The following PALLD variants were observed in gnomAD, a reference collection of about 807,000 sequenced individuals.
PALLD encodes the protein palladin, cytoskeletal associated protein, also known as palladin.
In PALLD, 61 loss-of-function variants were observed where a neutral mutation model predicts 123.5. That is an observed-to-expected ratio of 0.49 (90% confidence interval 0.40 to 0.61). PALLD has a LOEUF of 0.61. Among genes scored for constraint, PALLD ranks in the 20% least tolerant of loss-of-function variants. The pLI is 0.00. For missense variants in PALLD, 1,273 were observed against 1,377.0 expected (o/e 0.92, Z 1.20); for synonymous variants, 465 against 496.4 (o/e 0.94, Z 0.84).
intron 10 of PALLD, among the ~76,000 whole-genome samples, chr4:168,856,305 G>T (rs1303079274): frequency 1.3e-5 from 2 of 152,216 alleles, no homozygotes; most frequent in Non-Finnish European, 2.9e-5. Flanking sequence ...TGAGGAGCAA[G>T]TGTACATGTA....
chr4:168,799,591 A>G (rs1457357003), intron 10 of PALLD, among the ~76,000 whole-genome samples: 3 of 152,204 alleles, frequency 2.0e-5, no homozygotes, highest in Admixed American at 6.5e-5. Context: ...GCAATTCAGT[A>G]TAGTTGTGGA....
In PALLD at chr4:168,517,064, A is replaced by C. The variant is rs1580081898; in HGVS notation, c.908+4652A>C. Among the ~76,000 whole-genome samples the C allele has an allele frequency of 2.6e-5, 4 of 152,246 alleles. No individual in the cohort carries two copies. In the South Asian group the frequency reaches 8.3e-4, roughly 32 times the overall value. On this transcript the variant is annotated intron_variant, in intron 2 of 21. Transcript: ENST00000505667. ...ATTGGAAAAGTCCAGGCTGACGCAC[A>C]GGGAATGCGCCACAGGAAAACATGG...
At chr4:168,792,911 C>T (rs540576328) in intron 10 of PALLD, among the ~76,000 whole-genome samples, 215 of 151,452 alleles carry the variant, frequency 1.4e-3, no homozygotes, top group South Asian at 4.0e-3. Context: ...AGATTACAGG[C>T]GCAGGCCACC....
intron 10 of PALLD, among the ~76,000 whole-genome samples, chr4:168,799,651 C>G (rs774563130): frequency 6.6e-6 from 1 of 152,040 alleles, no homozygotes; most frequent in Non-Finnish European, 1.5e-5. Flanking sequence ...TGTGTGTGTG[C>G]GAAAAGCATG....
At chr4:168,774,351 T>C (rs983354860) in intron 10 of PALLD, among the ~76,000 whole-genome samples, 5 of 152,112 alleles carry the variant, frequency 3.3e-5, no homozygotes, top group Non-Finnish European at 7.3e-5. Flanking sequence ...TTGCTATATA[T>C]AAGAAAGAGC....
intron 2 of PALLD, among the ~76,000 whole-genome samples, chr4:168,589,744 C>T (rs147981874): frequency 5.9e-5 from 9 of 152,282 alleles, no homozygotes; most frequent in Non-Finnish European, 8.8e-5. Flanking sequence ...GAGCCTCACT[C>T]GCAACTGAAA....
intron 10 of PALLD, among the ~76,000 whole-genome samples, chr4:168,804,780 G>A (rs1739900365): frequency 6.6e-6 from 1 of 152,218 alleles, no homozygotes; most frequent in South Asian, 2.1e-4. Context: ...TTCACCACAA[G>A]AGTTATGTAT....
chr4:168,568,298 C>G (rs1379989049), intron 2 of PALLD, among the ~76,000 whole-genome samples: 3 of 151,996 alleles, frequency 2.0e-5, no homozygotes, highest in Non-Finnish European at 4.4e-5. Context: ...TGAAAAGCAT[C>G]CTACTTGTTA....
At chr4:168,807,878 G>A (rs1396033719) in intron 10 of PALLD, among the ~76,000 whole-genome samples, 1 of 151,918 alleles carries the variant, frequency 6.6e-6, no homozygotes, top group Non-Finnish European at 1.5e-5. Flanking sequence ...GCTAATTTTT[G>A]TATTTTTAGT....
At chr4:168,848,955 A>G (rs1318834930) in intron 10 of PALLD, among the ~76,000 whole-genome samples, 2 of 152,198 alleles carry the variant, frequency 1.3e-5, no homozygotes, top group African/African-American at 2.4e-5. Flanking sequence ...AGTACTAACT[A>G]CAGTCAGTAA....
chr4:168,883,847 G>A (rs1371498834), intron 10 of PALLD, among the ~76,000 whole-genome samples: 1 of 151,814 alleles, frequency 6.6e-6, no homozygotes, highest in Non-Finnish European at 1.5e-5. Context: ...TTGTTTATTG[G>A]TTAAGGTTTG....
At chr4:168,570,510 C>G (rs952959168) in intron 2 of PALLD, among the ~76,000 whole-genome samples, 1 of 152,090 alleles carries the variant, frequency 6.6e-6, no homozygotes, top group Admixed American at 6.6e-5. Flanking sequence ...AAAACAAAAA[C>G]CAAAATGCTC....
intron 2 of PALLD, among the ~76,000 whole-genome samples, chr4:168,607,339 A>G (rs1357089147): frequency 6.6e-6 from 1 of 152,184 alleles, no homozygotes; most frequent in Admixed American, 6.5e-5. Flanking sequence ...AAACAATGAC[A>G]GAGGGAACTG....
chr4:168,589,011 CA>C (rs1364136465), intron 2 of PALLD, among the ~76,000 whole-genome samples: 3 of 152,080 alleles, frequency 2.0e-5, no homozygotes, highest in Admixed American at 2.0e-4. Context: ...AACTTAAGGC[CA>C]GGGGTATCTG....
chr4:168,804,324 T>A (rs565920215), intron 10 of PALLD, among the ~76,000 whole-genome samples: 2 of 152,364 alleles, frequency 1.3e-5, no homozygotes, highest in African/African-American at 4.8e-5. Flanking sequence ...AGAAACCAGC[T>A]GCTTTTTCAC....
rs537719758 is a variant in PALLD at position 168,682,784 on chromosome 4, A to G, written c.1155-214A>G. The stretch of plus-strand genomic sequence containing the variant: ...GCTTAATGTCTATAAGGTACATTCT[A>G]TAAGGTACATGTATATACTGACCAC... On this transcript the variant is annotated intron_variant, in intron 4 of 21. Transcript: ENST00000505667. 7.2e-5 allele frequency among the ~76,000 whole-genome samples: 11 copies of G among 152,322 alleles called. No individual in the cohort carries two copies. In the South Asian group the frequency reaches 8.3e-4, roughly 11 times the overall value.
chr4:168,584,192 A>G (rs1770575487), intron 2 of PALLD, among the ~76,000 whole-genome samples: 1 of 150,466 alleles, frequency 6.6e-6, no homozygotes, highest in Non-Finnish European at 1.5e-5. Flanking sequence ...GCACCAGCTT[A>G]TATAGTACTC....
rs114724218 is a variant in PALLD at position 168,595,015 on chromosome 4, C to T, written c.909-73175C>T. 9.1e-3 allele frequency among the ~76,000 whole-genome samples: 1,389 copies of T among 152,198 alleles called. 23 individuals are homozygous for T. The highest frequency in any genetic ancestry group is 0.032 in the African/African-American group (1,317 of 41,532). On this transcript the variant is annotated intron_variant, in intron 2 of 21. Coordinates refer to ENST00000505667, the MANE Select transcript of PALLD (RefSeq NM_001166108.2). ...AATTATCTGTTTTGCAGCTCAAGGT[C>T]AAATGCATTTGAACCAGTCATTTTG...
At chr4:168,544,033 C>G (rs1765901555) in intron 2 of PALLD, among the ~76,000 whole-genome samples, 2 of 152,340 alleles carry the variant, frequency 1.3e-5, no homozygotes, top group South Asian at 4.1e-4. Flanking sequence ...TGCCTGAATA[C>G]TGAAAACAAA....
Sources: allele counts gnomAD v4.1 joint callset (sites outside exome capture counted in the v4.1 genomes callset), GRCh38; gene constraint gnomAD v4.1.1; transcripts MANE v1.5; gene names NCBI Gene and HGNC (gene_info 2026-07-23, HGNC 2026-07-21).